The following ATP5F1B variants were observed in gnomAD, a reference collection of about 807,000 sequenced individuals.
ATP5F1B encodes ATP synthase F1 subunit beta, also known as ATP synthase F(1) complex subunit beta, mitochondrial.
Under a neutral mutation model 45.9 loss-of-function variants are expected in ATP5F1B, and 17 were observed. The ratio of observed to expected loss-of-function variants is 0.37; its 90% CI spans 0.25 to 0.56. ATP5F1B has a LOEUF of 0.56. Ranked by LOEUF, ATP5F1B falls within the 20% of genes least tolerant of loss-of-function variation. The pLI, the probability that ATP5F1B is intolerant of heterozygous loss-of-function variation, is 0.80. For synonymous variants in ATP5F1B, 218 were observed against 256.5 expected (o/e 0.85, Z 1.43); for missense variants, 387 against 673.2 (o/e 0.57, Z 4.70).
intron 2 of ATP5F1B, 80 bp from the exon 3 acceptor site, chr12:56,645,035 G>A (rs1352320778): frequency 1.9e-6 from 3 of 1,606,952 alleles, no homozygotes; most frequent in South Asian, 2.2e-5. Flanking sequence ...CTCCTTCTCA[G>A]TACCTAAATG....
rs1286682774 is a variant in ATP5F1B, at chr12:56,642,669, T to C, written c.951+4A>G. 1.2e-6 allele frequency: 2 copies of C among 1,614,040 alleles called. No individual in the cohort carries two copies. Among genetic ancestry groups the C allele is most frequent in the Non-Finnish European group, 1.7e-6 (2 of 1,180,016 alleles). Reference sequence around the variant, plus strand: ...ACCAGGTCCTCTCAAGCCTTCCCTCTTACCTCTGAACCAGCCTGGGTGAAG... The same window carrying C: ...ACCAGGTCCTCTCAAGCCTTCCCTCCTACCTCTGAACCAGCCTGGGTGAAG... On this transcript the variant is annotated splice_donor_region_variant and intron_variant, in intron 6 of 9. Coordinates refer to ENST00000262030, the MANE Select transcript of ATP5F1B (RefSeq NM_001686.4).
In ATP5F1B at chr12:56,638,522, A is replaced by G. The variant is rs150424453; in HGVS notation, c.1490-99T>C. 8 of 869,340 alleles carry G rather than the reference A, an allele frequency of 9.2e-6. No homozygotes were observed. The African/African-American group carries it at 1.3e-4, about 15-fold the overall frequency. 53.9% of individuals were successfully genotyped at this position (869,340 alleles called of 1,614,324 possible). A position where few individuals can be genotyped will look rare whatever the true frequency, so the allele number is the denominator to read the frequency against. ...CTCACCACTTCAGGCCATCAGTTAG[A>G]ATGTGATGAATTCATGTCATCTTAG... On this transcript the variant is annotated intron_variant, in intron 9 of 9. Transcript: ENST00000262030.
At chr12:56,641,486 A>C (rs1198399610) in intron 7 of ATP5F1B, among the ~76,000 whole-genome samples, 1 of 152,252 alleles carries the variant, frequency 6.6e-6, no homozygotes, top group East Asian at 1.9e-4. Flanking sequence ...AAATTTATGT[A>C]ATTTTACTAT....
chr12:56,642,724 A>C lies in ATP5F1B; in HGVS notation c.900T>G (p.Asp300Glu). Reference sequence around the variant, plus strand: ...AGATGTTATCAATAAATAGCAGTACATCTTGACCTTCTTGGTCTCTGAAGT... The same window carrying C: ...AGATGTTATCAATAAATAGCAGTACCTCTTGACCTTCTTGGTCTCTGAAGT... ...AEYFRDQEGQ[D>E]VLLFIDNIFR... Residue 300 changes from aspartate to glutamate, a missense_variant, in exon 6 of 10, where the codon GAT (aspartate) becomes GAG (glutamate). By Grantham distance (45) the Asp-to-Glu change is conservative. Coordinates refer to ENST00000262030, the MANE Select transcript of ATP5F1B (RefSeq NM_001686.4). 1 of 1,614,176 alleles carries C rather than the reference A, an allele frequency of 6.2e-7. No individual in the cohort carries two copies. Among genetic ancestry groups the C allele is most frequent in the Non-Finnish European group, 8.5e-7 (1 of 1,180,028 alleles).
chr12:56,645,308 G>A lies in ATP5F1B; in HGVS notation c.173C>T (p.Ala58Val). 6.2e-7 allele frequency: 1 copy of A among 1,614,178 alleles called. No individual in the cohort carries two copies. Among genetic ancestry groups the A allele is most frequent in the Non-Finnish European group, 8.5e-7 (1 of 1,180,016 alleles). Residue 58 changes from alanine (A) to valine (V), a missense_variant, in exon 2 of 10, where the codon GCC (alanine) becomes GTC (valine). Physicochemically the swap from Ala to Val is moderately conservative, Grantham distance 64 (BLOSUM62 0). Transcript: ENST00000262030. ...AQTSPSPKAGAATGRIVAVIG... is the reference protein window; with the variant it reads ...AQTSPSPKAGVATGRIVAVIG... ...GACCGCCACGATGCGCCCGGTGGCG[G>A]CGCCTGCTTTTGGCGAAGGAGATGT... is the stretch of plus-strand genomic sequence containing the variant.
chr12:56,639,265 C>G lies in ATP5F1B; in HGVS notation c.1330G>C (p.Asp444His). 1 of 1,613,996 alleles carries G rather than the reference C, an allele frequency of 6.2e-7. No individual in the cohort carries two copies. Among genetic ancestry groups the G allele is most frequent in the Non-Finnish European group, 8.5e-7 (1 of 1,180,030 alleles). Residue 444 changes from aspartate to histidine, a missense_variant, in exon 9 of 10, where the codon GAT (aspartate) becomes CAT (histidine). Around this residue, in one of 6 missense-constraint regions of ATP5F1B, gnomAD observed 154 missense variants for 361.4 expected, o/e 0.43. Transcript: ENST00000262030. ...LQDIIAILGMDELSEEDKLTV... is the reference protein window; with the variant it reads ...LQDIIAILGMHELSEEDKLTV... ...AACTTGTCTTCCTCAGAAAGTTCAT[C>G]CATACCCAGGATGGCAATGATATCC...
rs1338049690 is a variant in ATP5F1B, at chr12:56,640,003, G to C, written c.1264C>G (p.Arg422Gly). Residue 422 changes from arginine (R) to glycine (G), a missense_variant, in exon 8 of 10, where the codon CGT (arginine) becomes GGT (glycine). This residue lies in a region of ATP5F1B where 154 missense variants were observed against 361.4 expected (regional missense o/e 0.43). Transcript: ENST00000262030. ...ACCTGCAGGATCTTTTGCACCCCAC[G>C]GGCAACATCGTAATGCTCACTGCCA... Reference protein sequence around the residue: ...IVGSEHYDVARGVQKILQDYK... With the variant: ...IVGSEHYDVAGGVQKILQDYK... 3.1e-6 allele frequency: 5 copies of C among 1,613,692 alleles called. No individual in the cohort carries two copies. Among genetic ancestry groups the C allele is most frequent in the African/African-American group, 2.7e-5 (2 of 74,820 alleles).
chr12:56,639,058 T>C lies in ATP5F1B; in HGVS notation c.1489+48A>G, dbSNP rs970340533. ...ATATATTGCTTGACGGTTGTTGGAA[T>C]GGGACCACAGCACAGTAAACATTCA... On this transcript the variant is annotated intron_variant, in intron 9 of 9. Transcript: ENST00000262030. The C allele has an allele frequency of 3.2e-6, 5 of 1,566,498 alleles. No individual in the cohort carries two copies. In the Middle Eastern group the frequency reaches 5.0e-4, roughly 157 times the overall value.
chr12:56,641,786 C>T (rs1454777821), intron 7 of ATP5F1B, among the ~76,000 whole-genome samples: 1 of 152,002 alleles, frequency 6.6e-6, no homozygotes, highest in Admixed American at 6.6e-5. Context: ...CTCCTGACCT[C>T]ATGATCCGCC....
At position 56,644,786 on chromosome 12, in the gene ATP5F1B, G is replaced by C. The variant is rs747881412; in HGVS notation, c.480C>G (p.Thr160=). 16 of 1,610,856 alleles carry C rather than the reference G, an allele frequency of 9.9e-6. No homozygotes were observed. The East Asian group carries it at 3.1e-4, about 31-fold the overall frequency. The change falls in exon 3 of 10, where the codon ACC becomes ACG. Residue 160 remains threonine (T), a synonymous_variant. Transcript: ENST00000262030. ...ATGCAATAAGAGCAACTTACTGTTT[G>C]GTTTTGATGGGACCTCTTTCATCAA... is the stretch of plus-strand genomic sequence containing the variant. ...EPIDERGPIK[T]KQFAPIHAEA... is the part of the protein sequence containing the mutation.
chr12:56,643,231 G>A (rs537373087), intron 5 of ATP5F1B, 172 bp downstream of exon 5: 4 of 542,230 alleles, frequency 7.4e-6, no homozygotes, highest in Admixed American at 3.5e-5. Flanking sequence ...TTGGAAGTTG[G>A]GGGGGAAAAC....
rs202065156 is a variant in ATP5F1B, at chr12:56,640,118, A to C, written c.1149T>G (p.Thr383=). The change falls in exon 8 of 10, where the codon ACT becomes ACG. Residue 383 remains threonine, a synonymous_variant. Coordinates refer to ENST00000262030, the MANE Select transcript of ATP5F1B (RefSeq NM_001686.4). The stretch of plus-strand genomic sequence containing the variant: ...GCTCAGCAATGGCACGCGACAGTAC[A>C]GTGGTAGCATCCAAATGGGCAAACG... The part of the protein sequence containing the change: ...ATTFAHLDAT[T]VLSRAIAELG... The C allele has an allele frequency of 1.2e-6, 2 of 1,613,994 alleles. No individual in the cohort carries two copies. The highest frequency in any genetic ancestry group is 1.7e-6 in the Non-Finnish European group (2 of 1,180,022).
chr12:56,645,740 A>C, intron 1 of ATP5F1B, 97 bp downstream of exon 1: 1 of 1,546,966 alleles, frequency 6.5e-7, no homozygotes, highest in African/African-American at 1.4e-5. Flanking sequence ...CATCCTTTTA[A>C]CACCACGGAT....
intron 5 of ATP5F1B, 112 bp from the exon 6 acceptor site, chr12:56,642,943 G>C: frequency 1.7e-6 from 2 of 1,200,734 alleles, no homozygotes; most frequent in Non-Finnish European, 2.3e-6. Flanking sequence ...AGGTGTCAGC[G>C]TTTTTGTGTG....
In ATP5F1B at chr12:56,644,917, C is replaced by G. The variant is rs1413120850; in HGVS notation, c.349G>C (p.Glu117Gln). Residue 117 changes from glutamate (E) to glutamine (Q), a missense_variant, in exon 3 of 10, where the codon GAA becomes CAA. Physicochemically the swap from Glu to Gln is conservative, Grantham distance 29. Around this residue, in one of 6 missense-constraint regions of ATP5F1B, gnomAD observed 113 missense variants for 168.0 expected, o/e 0.67. Coordinates refer to ENST00000262030, the MANE Select transcript of ATP5F1B (RefSeq NM_001686.4). ...ACTTTCTGGCCTCTAACCAAGCCTT[C>G]TGTACCATCCATAGCAATAGTCCTT... ...TVRTIAMDGT[E>Q]GLVRGQKVLD... is the part of the protein sequence containing the mutation. 1.2e-6 allele frequency: 2 copies of G among 1,614,196 alleles called. No individual in the cohort carries two copies. Among genetic ancestry groups the G allele is most frequent in the South Asian group, 2.2e-5 (2 of 91,088 alleles).
At chr12:56,638,609 A>G (rs1443077494) in intron 9 of ATP5F1B, among the ~76,000 whole-genome samples, 186 bp from the exon 10 acceptor site, 2 of 152,234 alleles carry the variant, frequency 1.3e-5, no homozygotes, top group African/African-American at 4.8e-5. Flanking sequence ...AATTAAGAAC[A>G]CATGGGCCAG....
Position 56,643,575 on chromosome 12 carries a change from C to T in ATP5F1B, c.620G>A (p.Gly207Asp), listed in dbSNP as rs1392850645. 6.2e-7 allele frequency: 1 copy of T among 1,613,968 alleles called. No homozygotes were observed. Among genetic ancestry groups the T allele is most frequent in the African/African-American group, 1.3e-5 (1 of 74,894 alleles). Residue 207 changes from glycine (G) to aspartate (D), a missense_variant, in exon 5 of 10, where the codon GGT (glycine) becomes GAT (aspartate). By Grantham distance (94) the Gly-to-Asp change is moderately conservative (BLOSUM62 -1). This residue lies in a region of ATP5F1B where 0 missense variants were observed against 22.8 expected (regional missense o/e 0.00). Transcript: ENST00000262030. ...AKGGKIGLFGGAGVGKTVLIM... is the reference protein window; with the variant it reads ...AKGGKIGLFGDAGVGKTVLIM... ...CAGTACAGTCTTGCCAACTCCAGCA[C>T]CACCAAAAAGCCCTATAAGAGGTTG...
intron 9 of ATP5F1B, 84 bp from the exon 10 acceptor site, chr12:56,638,507 C>T: frequency 9.9e-7 from 1 of 1,005,682 alleles, no homozygotes; most frequent in Non-Finnish European, 1.5e-6. Flanking sequence ...CTCACCACTT[C>T]AGGCCATCAG....
At chr12:56,644,187 T>C (rs1565848612) in intron 3 of ATP5F1B, among the ~76,000 whole-genome samples, 2 of 152,148 alleles carry the variant, frequency 1.3e-5, no homozygotes, top group East Asian at 1.9e-4. Flanking sequence ...TCCCTGACTT[T>C]AACTGTCATA....
Sources: allele counts gnomAD v4.1 joint callset (sites outside exome capture counted in the v4.1 genomes callset), GRCh38; gene constraint gnomAD v4.1.1; regional missense constraint gnomAD v4.1.1; transcripts MANE v1.5; gene names NCBI Gene and HGNC (gene_info 2026-07-23, HGNC 2026-07-21).